Variants in PPP3R1 observed in about 807,000 individuals in gnomAD.
PPP3R1 encodes the protein protein phosphatase 3 regulatory subunit B, alpha, also known as calcineurin subunit B type 1.
Under a neutral mutation model 22.6 loss-of-function variants are expected in PPP3R1, and 5 were observed. The ratio of observed to expected loss-of-function variants is 0.22; its 90% CI spans 0.12 to 0.46. The LOEUF is 0.46. PPP3R1 is among the 20% of genes least tolerant of loss of function. The pLI is 0.99. For missense variants in PPP3R1, 61 were observed against 203.2 expected, an observed-to-expected ratio of 0.30 and a Z score of 4.25; for synonymous variants, 56 against 65.2, an observed-to-expected ratio of 0.86 and a Z score of 0.68.
At chr2:68,232,223 ATGTGTGTGTGTGTGTGTGTG>A (rs76815812) in intron 1 of PPP3R1, among the ~76,000 whole-genome samples, 3 of 45,762 alleles carry the variant, frequency 6.6e-5, no homozygotes, top group Non-Finnish European at 1.2e-4. Context: ...ATATGTATAT[ATGTGTGTGTGTGTGTGTGTG>A]TGTGTGTGTG....
At chr2:68,198,372 TAC>T (rs1174281568) in intron 2 of PPP3R1, among the ~76,000 whole-genome samples, 14 of 91,168 alleles carry the variant, frequency 1.5e-4, no homozygotes, top group South Asian at 5.5e-4. Context: ...TACATATATG[TAC>T]ATGTATATGC....
chr2:68,206,100 G>A (rs984508864), intron 2 of PPP3R1, among the ~76,000 whole-genome samples: 5 of 152,214 alleles, frequency 3.3e-5, no homozygotes, highest in Non-Finnish European at 5.9e-5. Flanking sequence ...TTACAGGCGT[G>A]AGCCACCGCG....
intron 5 of PPP3R1, among the ~76,000 whole-genome samples, chr2:68,181,904 T>TA (rs1490883838): frequency 6.6e-6 from 1 of 152,212 alleles, no homozygotes; most frequent in Non-Finnish European, 1.5e-5. Context: ...CATGGTAATG[T>TA]GTAAGTGTAG....
intron 5 of PPP3R1, 143 bp from the exon 6 acceptor site, chr2:68,181,153 G>A (rs926629837): frequency 2.9e-5 from 21 of 726,734 alleles, no homozygotes; most frequent in Admixed American, 8.9e-5. Flanking sequence ...ACTTTGGAAG[G>A]CCAAGGCAGG....
intron 3 of PPP3R1, among the ~76,000 whole-genome samples, chr2:68,187,883 A>C (rs78250398): frequency 2.1e-5 from 3 of 145,960 alleles, no homozygotes; most frequent in Admixed American, 2.1e-4. Context: ...AAAAAAAAAA[A>C]CTGGCTTGGC....
In PPP3R1 at chr2:68,185,250, CTAAAA is replaced by C. The variant is rs1232941536; in HGVS notation, c.465+1213_465+1217del. Among the ~76,000 whole-genome samples the C allele has an allele frequency of 2.0e-5, 3 of 148,456 alleles. No homozygotes were observed. In the East Asian group the frequency reaches 5.9e-4, roughly 29 times the overall value. On this transcript the variant is annotated intron_variant, in intron 5 of 5. Coordinates refer to ENST00000234310, the MANE Select transcript of PPP3R1 (RefSeq NM_000945.4). ...AAAAAAAAGAAAGCTTAAAAATAAA[CTAAAA>C]TAAATATTGGAAAATAAACTCGAAA...
chr2:68,211,790 A>C (rs1669492680), intron 2 of PPP3R1, among the ~76,000 whole-genome samples: 1 of 152,220 alleles, frequency 6.6e-6, no homozygotes, highest in South Asian at 2.1e-4. Flanking sequence ...CTCCATATCA[A>C]GAAACCACTT....
intron 2 of PPP3R1, among the ~76,000 whole-genome samples, chr2:68,200,172 G>T (rs1674945984): frequency 1.3e-5 from 2 of 152,032 alleles, no homozygotes; most frequent in Admixed American, 1.3e-4. Context: ...TTCATCTAAG[G>T]TATGGAACTT....
At chr2:68,225,800 C>T (rs553514992) in intron 1 of PPP3R1, among the ~76,000 whole-genome samples, 1 of 152,134 alleles carries the variant, frequency 6.6e-6, no homozygotes, top group South Asian at 2.1e-4. Flanking sequence ...AAAATTGTAC[C>T]GCTATTTCAA....
chr2:68,232,110 T>A (rs927292832), intron 1 of PPP3R1, among the ~76,000 whole-genome samples: 9,807 of 60,902 alleles, frequency 0.16, 838 homozygotes, highest in Middle Eastern at 0.29. Context: ...AAAAAAAAAA[T>A]ATATATATAT....
chr2:68,180,906 A>G lies in PPP3R1; in HGVS notation c.*57T>C, dbSNP rs981793424. ...GAGAGCATTGCTGGACGTCTTGAGC[A>G]GATCTTCAGAGATGGAGAAGAAAGC... On this transcript the variant is annotated 3_prime_UTR_variant, in exon 6 of 6. Coordinates refer to ENST00000234310, the MANE Select transcript of PPP3R1 (RefSeq NM_000945.4). 3.3e-6 allele frequency: 5 copies of G among 1,500,924 alleles called. No individual in the cohort carries two copies. The East Asian group carries it at 1.1e-4, about 34-fold the overall frequency. 93.0% of individuals were successfully genotyped at this position (1,500,924 alleles called of 1,614,324 possible). A position where few individuals can be genotyped will look rare whatever the true frequency, so the allele number is the denominator to read the frequency against.
chr2:68,216,179 A>C (rs2103769673), intron 2 of PPP3R1, among the ~76,000 whole-genome samples: 1 of 152,260 alleles, frequency 6.6e-6, no homozygotes, highest in East Asian at 1.9e-4. Context: ...CACTGGTCTA[A>C]GCTAAGTCTT....
At chr2:68,248,088 A>G (rs1249883904) in intron 1 of PPP3R1, among the ~76,000 whole-genome samples, 3 of 152,022 alleles carry the variant, frequency 2.0e-5, no homozygotes, top group Non-Finnish European at 4.4e-5. Context: ...ACCAGACACT[A>G]CCCCCTTCCT....
intron 1 of PPP3R1, among the ~76,000 whole-genome samples, chr2:68,231,397 TTTTC>T (rs1405819859): frequency 2.0e-5 from 3 of 152,172 alleles, no homozygotes; most frequent in South Asian, 2.1e-4. Flanking sequence ...TACGTCAGTT[TTTTC>T]TTTGAGTGAC....
intron 5 of PPP3R1, among the ~76,000 whole-genome samples, chr2:68,182,514 T>C (rs1674435790): frequency 6.6e-6 from 1 of 152,008 alleles, no homozygotes; most frequent in South Asian, 2.1e-4. Flanking sequence ...TTTATTTTCA[T>C]CAGAAATTCA....
intron 5 of PPP3R1, 83 bp from the exon 6 acceptor site, chr2:68,181,093 A>T: frequency 7.4e-7 from 1 of 1,353,218 alleles, no homozygotes; most frequent in Non-Finnish European, 1.1e-6. Flanking sequence ...CAAATTTTAA[A>T]AAATATTACT....
chr2:68,226,530 T>C (rs944587222), intron 1 of PPP3R1, among the ~76,000 whole-genome samples: 12 of 152,176 alleles, frequency 7.9e-5, no homozygotes, highest in Non-Finnish European at 1.2e-4. Flanking sequence ...TTCAAGGTAA[T>C]GTATTCATAG....
chr2:68,248,517 A>C (rs573776922), intron 1 of PPP3R1, among the ~76,000 whole-genome samples: 2 of 152,204 alleles, frequency 1.3e-5, no homozygotes, highest in Non-Finnish European at 2.9e-5. Flanking sequence ...AGTTCAGCCT[A>C]TATCACAATT....
At chr2:68,185,497 T>C (rs1398053290) in intron 5 of PPP3R1, among the ~76,000 whole-genome samples, 1 of 147,912 alleles carries the variant, frequency 6.8e-6, no homozygotes, top group African/African-American at 2.5e-5. Context: ...ACATAAGATA[T>C]ATACATTTTA....
Sources: gnomAD v4.1 joint callset for allele counts (sites outside exome capture counted in the v4.1 genomes callset) on GRCh38, gnomAD v4.1.1 for gene constraint, MANE v1.5 for transcripts, NCBI Gene and HGNC (gene_info 2026-07-23, HGNC 2026-07-21) for gene names.